The following MON2 variants were observed in gnomAD, a reference collection of about 807,000 sequenced individuals.
MON2 encodes protein MON2 homolog.
A neutral mutation model predicts 208.6 loss-of-function variants in MON2; 84 were observed. The observed-to-expected ratio is 0.40, with a 90% CI of 0.34 to 0.48. The LOEUF is 0.48. MON2 is among the 20% of genes least tolerant of loss of function. MON2 has a pLI of 0.59. For synonymous variants in MON2, 660 were observed against 694.0 expected (o/e 0.95, Z 0.77); for missense variants, 1,611 against 2,015.4 (o/e 0.80, Z 3.84).
Position 62,595,496 on chromosome 12 carries a change from C to T in MON2, c.*2747C>T, listed in dbSNP as rs969476667. ...CGTCACTTGCTGTCACTGCCAGTGC[C>T]TGTTTTATTCATATTGCTGGACAAC... On this transcript the variant is annotated 3_prime_UTR_variant, in exon 35 of 35. Transcript: ENST00000393630. 2 of 152,144 alleles carry T rather than the reference C, an allele frequency of 1.3e-5. 1 individual carries two copies. Among genetic ancestry groups the T allele is most frequent in the South Asian group, 4.1e-4 (2 of 4,832 alleles). The allele number at this position is 152,144 out of a possible 1,614,324, so 9.4% of individuals were successfully genotyped here.
chr12:62,549,681 C>T lies in MON2; in HGVS notation c.2767C>T (p.Arg923Ter). The T allele has an allele frequency of 1.3e-6, 2 of 1,593,864 alleles. No homozygotes were observed. Among genetic ancestry groups the T allele is most frequent in the Non-Finnish European group, 8.5e-7 (1 of 1,173,984 alleles). Residue 923 changes from arginine (R) to a stop codon, truncating the protein, a stop_gained, in exon 23 of 35, where the codon CGA becomes TGA. Coordinates refer to ENST00000393630, the MANE Select transcript of MON2 (RefSeq NM_015026.3). LOFTEE classifies it high-confidence loss of function. ...IRNDQGESLI[R>*]TAFQCLQLVV... ...TTTTGTTTTCAGAGAATCCTTGATACGAACTGCATTCCAGTGTCTTCAGTT... is the reference window on the plus strand; with the variant it reads ...TTTTGTTTTCAGAGAATCCTTGATATGAACTGCATTCCAGTGTCTTCAGTT...
rs2136532583 is a variant in MON2, at chr12:62,595,064, G to A, written c.*2315G>A. On this transcript the variant is annotated 3_prime_UTR_variant, in exon 35 of 35. Transcript: ENST00000393630. Reference sequence around the variant, plus strand: ...GCTCTCAAAGATAAGATCATTTTATGGCACAATTGAGTCTATAACCAGCCC... The same window carrying A: ...GCTCTCAAAGATAAGATCATTTTATAGCACAATTGAGTCTATAACCAGCCC... 6.6e-6 allele frequency: 1 copy of A among 152,132 alleles called. No homozygotes were observed. 9.4% of individuals were successfully genotyped at this position (152,132 alleles called of 1,614,324 possible).
At chr12:62,522,790 A>G (rs2072124129) in intron 8 of MON2, among the ~76,000 whole-genome samples, 1 of 152,148 alleles carries the variant, frequency 6.6e-6, no homozygotes, top group Admixed American at 6.6e-5. Context: ...CTCTGCTCAA[A>G]CTTTCACACT....
intron 25 of MON2, among the ~76,000 whole-genome samples, chr12:62,559,641 C>T (rs1449704467): frequency 6.6e-6 from 1 of 151,746 alleles, no homozygotes; most frequent in African/African-American, 2.4e-5. Flanking sequence ...ATAAATTAGC[C>T]AGGCATGGTG....
At chr12:62,492,821 AT>A (rs1345691692) in intron 2 of MON2, among the ~76,000 whole-genome samples, 4 of 151,522 alleles carry the variant, frequency 2.6e-5, no homozygotes, top group Non-Finnish European at 4.4e-5. Context: ...TCTACTAAAA[AT>A]ACAAAAATTA....
chr12:62,489,968 TA>T, intron 2 of MON2: 2 of 988,068 alleles, frequency 2.0e-6, no homozygotes, highest in Non-Finnish European at 2.6e-6. Context: ...TTTTTCACAA[TA>T]AAACTTTTAT....
chr12:62,489,567 C>T (rs558299072), intron 2 of MON2, among the ~76,000 whole-genome samples: 1 of 151,934 alleles, frequency 6.6e-6, no homozygotes, highest in Non-Finnish European at 1.5e-5. Flanking sequence ...TAGCTCTGCA[C>T]TTAGGATGAC....
chr12:62,567,328 A>G (rs1321952009), intron 29 of MON2, among the ~76,000 whole-genome samples: 2 of 152,242 alleles, frequency 1.3e-5, no homozygotes, highest in African/African-American at 4.8e-5. Context: ...GGATACTACA[A>G]GAATTTTCTC....
At chr12:62,570,572 A>G (rs992625364) in intron 29 of MON2, among the ~76,000 whole-genome samples, 1 of 152,106 alleles carries the variant, frequency 6.6e-6, no homozygotes, top group African/African-American at 2.4e-5. Flanking sequence ...ACAAACCTAG[A>G]TGATATAGCC....
intron 31 of MON2, 46 bp from the exon 32 acceptor site, chr12:62,580,251 T>TCC: frequency 6.4e-7 from 1 of 1,561,658 alleles, no homozygotes; most frequent in Non-Finnish European, 8.7e-7. Flanking sequence ...TATTTTAGTC[T>TCC]CTTTCAAAGA....
At chr12:62,553,506 C>A (rs2073837917) in intron 24 of MON2, 1 of 193,910 alleles carries the variant, frequency 5.2e-6, no homozygotes, top group African/African-American at 2.3e-5. Context: ...CAATCCCTTA[C>A]CATAGAGTAG....
At chr12:62,585,652 C>A in intron 33 of MON2, 151 bp downstream of exon 33, 1 of 593,248 alleles carries the variant, frequency 1.7e-6, no homozygotes, top group Non-Finnish European at 2.8e-6. Context: ...TGTAAATATT[C>A]ACAGGTTTTC....
At chr12:62,564,183 A>G (rs940726479) in intron 26 of MON2, among the ~76,000 whole-genome samples, 2 of 152,142 alleles carry the variant, frequency 1.3e-5, no homozygotes, top group Non-Finnish European at 2.9e-5. Context: ...GTTCCGTTAT[A>G]GCTAAATGGC....
At position 62,560,628 on chromosome 12, in the gene MON2, G is replaced by T. The variant is rs753369977; in HGVS notation, c.3547G>T (p.Asp1183Tyr). The change falls in exon 26 of 35, where the codon GAT becomes TAT. Residue 1183 changes from aspartate to tyrosine, a missense_variant. Coordinates refer to ENST00000393630, the MANE Select transcript of MON2 (RefSeq NM_015026.3). Reference protein sequence around the residue: ...LQIVSPVRDSDKPETPPVVNV... With the variant: ...LQIVSPVRDSYKPETPPVVNV... Reference sequence around the variant, plus strand: ...GATTGTGTCCCCTGTCAGAGACTCAGATAAGCCTGAGACACCACCTGTAGT... The same window carrying T: ...GATTGTGTCCCCTGTCAGAGACTCATATAAGCCTGAGACACCACCTGTAGT... 27 of 1,613,978 alleles carry T rather than the reference G, an allele frequency of 1.7e-5. No individual in the cohort carries two copies. The highest frequency in any genetic ancestry group is 1.9e-5 in the Non-Finnish European group (23 of 1,180,014).
rs895117892 is a variant in MON2 at position 62,585,764 on chromosome 12, TA to T, written c.4907+272del. ...TAGGTACCAAATTACCTTTTTGAAT[TA>T]AAAAAAAATAAACTGAATTCCAAAA... On this transcript the variant is annotated intron_variant, in intron 33 of 34. Coordinates refer to ENST00000393630, the MANE Select transcript of MON2 (RefSeq NM_015026.3). 351 of 247,986 alleles carry T rather than the reference TA, an allele frequency of 1.4e-3. 2 individuals carry two copies. Among genetic ancestry groups the T allele is most frequent in the South Asian group, 4.9e-3 (33 of 6,732 alleles). 15.4% of individuals were successfully genotyped at this position (247,986 alleles called of 1,614,324 possible).
chr12:62,525,571 C>T (rs1034908722), intron 10 of MON2, among the ~76,000 whole-genome samples: 2 of 36,326 alleles, frequency 5.5e-5, no homozygotes, highest in South Asian at 9.6e-4. Context: ...AAGGGGTTAA[C>T]ATGGTCATTG....
chr12:62,575,271 T>C (rs1371146275), intron 30 of MON2, among the ~76,000 whole-genome samples: 1 of 152,264 alleles, frequency 6.6e-6, no homozygotes, highest in East Asian at 1.9e-4. Context: ...AAAGCTTTTA[T>C]TGGTCAGTTG....
chr12:62,564,030 A>C (rs1013547704), intron 26 of MON2, among the ~76,000 whole-genome samples: 1 of 152,002 alleles, frequency 6.6e-6, no homozygotes, highest in Non-Finnish European at 1.5e-5. Context: ...CAAATTCTTC[A>C]TTATTTCTGA....
At chr12:62,513,032 A>G (rs1420711208) in intron 8 of MON2, among the ~76,000 whole-genome samples, 1 of 152,054 alleles carries the variant, frequency 6.6e-6, no homozygotes, top group Admixed American at 6.6e-5. Flanking sequence ...CAGCACAGGG[A>G]CCTTGGGCCC....
Sources: gnomAD v4.1 joint callset for allele counts (sites outside exome capture counted in the v4.1 genomes callset) on GRCh38, gnomAD v4.1.1 for gene constraint, MANE v1.5 for transcripts, NCBI Gene and HGNC (gene_info 2026-07-23, HGNC 2026-07-21) for gene names.